The following CPVL variants were observed in gnomAD, a reference collection of about 807,000 sequenced individuals.
CPVL encodes probable serine carboxypeptidase CPVL.
A neutral mutation model predicts 63.7 loss-of-function variants in CPVL; 51 were observed. The ratio of observed to expected loss-of-function variants is 0.80; its 90% CI spans 0.64 to 1.01. The LOEUF (loss-of-function observed/expected upper bound fraction) is 1.01. CPVL is among the 50% of genes least tolerant of loss of function. CPVL has a pLI of 0.00. For missense variants in CPVL, 530 were observed against 573.1 expected (o/e 0.92, Z 0.77); for synonymous variants, 195 against 206.0 (o/e 0.95, Z 0.46).
chr7:29,176,438 C>A (rs1314851068), intron 5 of CPVL, among the ~76,000 whole-genome samples: 2 of 151,980 alleles, frequency 1.3e-5, no homozygotes, highest in Non-Finnish European at 2.9e-5. Flanking sequence ...CATGTCAGAA[C>A]ACAATGGGTA....
intron 1 of CPVL, among the ~76,000 whole-genome samples, chr7:29,130,314 A>C (rs1006537274): frequency 6.6e-6 from 1 of 152,214 alleles, no homozygotes; most frequent in African/African-American, 2.4e-5. Context: ...TCTTACATCA[A>C]ATATGTCTGG....
At chr7:29,087,235 C>A (rs1266614363) in intron 6 of CPVL, among the ~76,000 whole-genome samples, 1 of 151,856 alleles carries the variant, frequency 6.6e-6, no homozygotes, top group Non-Finnish European at 1.5e-5. Flanking sequence ...ACCAGCCTAG[C>A]CAACATAGTG....
Position 29,064,068 on chromosome 7 carries a change from T to G in CPVL, c.1130A>C (p.Asn377Thr), listed in dbSNP as rs755709275. The G allele has an allele frequency of 2.5e-6, 4 of 1,609,366 alleles. No homozygotes were observed. Among genetic ancestry groups the G allele is most frequent in the Non-Finnish European group, 3.4e-6 (4 of 1,176,122 alleles). ...VKPWLTEIMN[N>T]YKVLIYNGQL... ...CTGAAGTAGCTCTCTTACCTTATAA[T>G]TATTCATGATTTCAGTTAACCATGG... Residue 377 changes from asparagine (N) to threonine (T), a missense_variant, in exon 11 of 13, where the codon AAT (asparagine) becomes ACT (threonine). By Grantham distance (65) the Asn-to-Thr change is moderately conservative. Transcript: ENST00000265394.
Position 29,104,849 on chromosome 7 carries a change from C to T in CPVL, c.288+7855G>A, listed in dbSNP as rs1403822917. 4.6e-5 allele frequency among the ~76,000 whole-genome samples: 7 copies of T among 152,150 alleles called. No homozygotes were observed. The East Asian group carries it at 7.7e-4, about 17-fold the overall frequency. ...CCCTTCTTGATGCAAAAGTTAGTTA[C>T]TTTCTCTCTATGTTATTTCATTTCC... On this transcript the variant is annotated intron_variant, in intron 3 of 12. Coordinates refer to ENST00000265394, the MANE Select transcript of CPVL (RefSeq NM_031311.5).
intron 5 of CPVL, among the ~76,000 whole-genome samples, chr7:29,162,792 T>C (rs1247245512): frequency 6.6e-6 from 1 of 151,892 alleles, no homozygotes; most frequent in Non-Finnish European, 1.5e-5. Context: ...ATAAATGAAA[T>C]GGCTGCCAAA....
chr7:29,183,889 AAAC>A (rs1293007074), intron 4 of CPVL, among the ~76,000 whole-genome samples: 1 of 152,230 alleles, frequency 6.6e-6, no homozygotes, highest in African/African-American at 2.4e-5. Flanking sequence ...TAAAAATTAC[AAAC>A]AACAATTAAA....
rs148266761 is a variant in CPVL at position 29,169,880 on chromosome 7, G to GTGTGTGTGTATA, written c.-11+11409_-11+11410insTATACACACACA. 2.7e-5 allele frequency among the ~76,000 whole-genome samples: 4 copies of GTGTGTGTGTATA among 150,044 alleles called. No individual in the cohort carries two copies. The East Asian group carries it at 7.9e-4, about 30-fold the overall frequency. On this transcript the variant is annotated intron_variant, in intron 5 of 16. Coordinates refer to the CPVL transcript ENST00000409850. Reference sequence around the variant, plus strand: ...TATATACGTGTGTGTGTGTGTGTGTGTATATATATATGTATATACAGGTTG... The same window carrying GTGTGTGTGTATA: ...TATATACGTGTGTGTGTGTGTGTGTGTGTGTGTGTATATATATATATATGTATATACAGGTTG...
chr7:29,153,926 A>G (rs994314662), intron 5 of CPVL, among the ~76,000 whole-genome samples: 3 of 152,098 alleles, frequency 2.0e-5, no homozygotes, highest in African/African-American at 7.2e-5. Flanking sequence ...TCTTGTAATA[A>G]TATAGTATAT....
chr7:29,076,982 A>G lies in CPVL; in HGVS notation c.610-4559T>C, dbSNP rs1313680474. ...GAATGCAATGTTTGGTTAATTATCC[A>G]GATGTGTAAAAACACAATGAAATTG... On this transcript the variant is annotated intron_variant, in intron 7 of 12. Coordinates refer to ENST00000265394, the MANE Select transcript of CPVL (RefSeq NM_031311.5). Among the ~76,000 whole-genome samples, 4 of 152,388 alleles carry G rather than the reference A, an allele frequency of 2.6e-5. No individual in the cohort carries two copies. In the East Asian group the frequency reaches 5.8e-4, roughly 22 times the overall value.
At chr7:29,121,128 C>CT in intron 1 of CPVL, 57 bp from the exon 2 acceptor site, 1 of 1,430,378 alleles carries the variant, frequency 7.0e-7, no homozygotes, top group South Asian at 1.4e-5. Context: ...TTACCTGGCC[C>CT]TTTTACATGC....
chr7:29,103,252 T>G (rs1441733074), intron 3 of CPVL, among the ~76,000 whole-genome samples: 11 of 87,990 alleles, frequency 1.3e-4, no homozygotes, highest in South Asian at 4.3e-4. Flanking sequence ...TGTTTTGTTT[T>G]TTTTTTTTTT....
intron 11 of CPVL, among the ~76,000 whole-genome samples, chr7:29,043,343 G>A (rs1449660191): frequency 6.6e-6 from 1 of 151,802 alleles, no homozygotes; most frequent in Non-Finnish European, 1.5e-5. Context: ...TGCTCTCAAT[G>A]GTTCTATTCA....
chr7:29,034,865 A>AAAAAG (rs1788371607), intron 11 of CPVL, among the ~76,000 whole-genome samples: 1 of 150,896 alleles, frequency 6.6e-6, no homozygotes, highest in African/African-American at 2.5e-5. Flanking sequence ...AAAAAAAAAA[A>AAAAAG]AAAAGAACAA....
intron 6 of CPVL, among the ~76,000 whole-genome samples, chr7:29,090,928 C>T (rs567102150): frequency 6.6e-6 from 1 of 152,302 alleles, no homozygotes; most frequent in South Asian, 2.1e-4. Flanking sequence ...AAGCTCCACT[C>T]TTTAAACCTG....
chr7:29,144,432 A>C (rs1332080968), intron 1 of CPVL, among the ~76,000 whole-genome samples: 1 of 152,110 alleles, frequency 6.6e-6, no homozygotes, highest in Non-Finnish European at 1.5e-5. Context: ...ATGGTGGTGT[A>C]CACCTGTAAT....
intron 5 of CPVL, among the ~76,000 whole-genome samples, chr7:29,177,325 C>T (rs765439250): frequency 4.6e-5 from 7 of 151,904 alleles, no homozygotes; most frequent in Non-Finnish European, 8.8e-5. Flanking sequence ...GCTATCTCTG[C>T]TCACTGCAAC....
At chr7:29,153,689 C>T (rs889936225) in intron 5 of CPVL, among the ~76,000 whole-genome samples, 1 of 152,196 alleles carries the variant, frequency 6.6e-6, no homozygotes, top group Non-Finnish European at 1.5e-5. Flanking sequence ...CATGCCTCAG[C>T]CTCCTGAGTG....
chr7:29,095,877 G>A (rs754621583), intron 4 of CPVL, among the ~76,000 whole-genome samples: 19 of 152,108 alleles, frequency 1.2e-4, no homozygotes, highest in African/African-American at 1.9e-4. Flanking sequence ...GCAAGAAAGC[G>A]GATTAGAACT....
chr7:29,097,029 A>G (rs1786502681), intron 3 of CPVL, among the ~76,000 whole-genome samples: 1 of 150,476 alleles, frequency 6.6e-6, no homozygotes, highest in Admixed American at 6.6e-5. Context: ...CATAGGGACC[A>G]GGACAACTTC....
Sources: gnomAD v4.1 joint callset for allele counts (sites outside exome capture counted in the v4.1 genomes callset) on GRCh38, gnomAD v4.1.1 for gene constraint, MANE v1.5 for transcripts, NCBI Gene and HGNC (gene_info 2026-07-23, HGNC 2026-07-21) for gene names.